Variants in ANO10 observed in about 807,000 individuals in gnomAD.
The protein encoded by ANO10 is anoctamin-10.
ANO10 carries 77 observed loss-of-function variants against 74.7 expected under a neutral mutation model. The observed-to-expected ratio is 1.03, with a 90% CI of 0.86 to 1.25. The LOEUF (loss-of-function observed/expected upper bound fraction) is 1.25, where lower values mean the gene tolerates loss of function less well. Ranked by LOEUF, ANO10 falls within the 50% of genes most tolerant of loss-of-function variation. The probability of loss-of-function intolerance (pLI) is 0.00; values close to 1 mark genes in which losing one functional copy is unlikely to be tolerated. For synonymous variants in ANO10, 279 were observed against 284.9 expected (o/e 0.98, Z 0.21); for missense variants, 721 against 778.1 (o/e 0.93, Z 0.87).
At chr3:43,516,483 AGGACCTT>A (rs2077716633) in intron 11 of ANO10, among the ~76,000 whole-genome samples, 1 of 152,230 alleles carries the variant, frequency 6.6e-6, no homozygotes, top group Non-Finnish European at 1.5e-5. Context: ...GAGATTACAG[AGGACCTT>A]GAATCCCTTG....
At chr3:43,393,220 A>G (rs139454126) in intron 12 of ANO10, among the ~76,000 whole-genome samples, 164 of 152,298 alleles carry the variant, frequency 1.1e-3, no homozygotes, top group Admixed American at 2.4e-3. Flanking sequence ...ACAACACTAA[A>G]TTCAAGATCA....
intron 12 of ANO10, among the ~76,000 whole-genome samples, chr3:43,418,504 T>C (rs2092775304): frequency 6.6e-6 from 1 of 152,240 alleles, no homozygotes; most frequent in African/African-American, 2.4e-5. Flanking sequence ...TCTTTTTCCA[T>C]TTTATTATAC....
At chr3:43,538,137 T>C (rs188761110) in intron 11 of ANO10, among the ~76,000 whole-genome samples, 13 of 152,320 alleles carry the variant, frequency 8.5e-5, no homozygotes, top group African/African-American at 3.1e-4. Flanking sequence ...ATTTTTGATA[T>C]AAAATTTCAG....
chr3:43,498,520 G>A (rs1011694083), intron 11 of ANO10, among the ~76,000 whole-genome samples: 2 of 152,148 alleles, frequency 1.3e-5, no homozygotes, highest in East Asian at 3.9e-4. Context: ...CTGATGGGAT[G>A]GCATATGGAG....
intron 11 of ANO10, among the ~76,000 whole-genome samples, chr3:43,438,907 A>G (rs754756962): frequency 1.3e-5 from 2 of 152,212 alleles, no homozygotes; most frequent in Non-Finnish European, 2.9e-5. Flanking sequence ...AACAGCATCA[A>G]TTGGACCAAT....
chr3:43,527,698 CCA>C lies in ANO10; in HGVS notation c.1797+22020_1797+22021del, dbSNP rs531627876. ...AATCCAGCAAGACTAGCTCCAAAGCCCACACCTAAGTGGCAAGTCAAGTCAGA... is the reference window on the plus strand; with the variant it reads ...AATCCAGCAAGACTAGCTCCAAAGCCCACCTAAGTGGCAAGTCAAGTCAGA... On this transcript the variant is annotated intron_variant, in intron 11 of 12. Coordinates refer to ENST00000292246, the MANE Select transcript of ANO10 (RefSeq NM_018075.5). Among the ~76,000 whole-genome samples, 546 of 152,150 alleles carry C rather than the reference CCA, an allele frequency of 3.6e-3. 1 individual carries two copies. The highest frequency in any genetic ancestry group is 5.7e-3 in the Non-Finnish European group (390 of 67,996).
At chr3:43,674,271 C>A (rs2084094900) in intron 1 of ANO10, among the ~76,000 whole-genome samples, 1 of 152,170 alleles carries the variant, frequency 6.6e-6, no homozygotes, top group African/African-American at 2.4e-5. Flanking sequence ...TCCAGAGTAG[C>A]TGGGACTATA....
chr3:43,606,660 G>C (rs894890549), intron 1 of ANO10, among the ~76,000 whole-genome samples: 3 of 149,920 alleles, frequency 2.0e-5, no homozygotes, highest in African/African-American at 7.3e-5. Flanking sequence ...AAAAAAAAAA[G>C]ACAGAAAAAG....
chr3:43,671,176 C>T lies in ANO10; in HGVS notation c.-12+20341G>A, dbSNP rs376495331. On this transcript the variant is annotated intron_variant, in intron 1 of 3. Transcript: ENST00000413397. ...AATTCCTTGCAGGTGTTATTTAAAC[C>T]TGGACTACAACTTGGTCAACAAAAA... Among the ~76,000 whole-genome samples the T allele has an allele frequency of 9.3e-4, 142 of 152,162 alleles. 1 individual carries two copies. The highest frequency in any genetic ancestry group is 3.1e-3 in the African/African-American group (130 of 41,514).
chr3:43,381,758 G>A (rs1292023012), intron 12 of ANO10, among the ~76,000 whole-genome samples: 1 of 152,150 alleles, frequency 6.6e-6, no homozygotes, highest in Non-Finnish European at 1.5e-5. Flanking sequence ...CACAACTGCA[G>A]AATATACATT....
chr3:43,400,526 A>G (rs2092461728), intron 12 of ANO10, among the ~76,000 whole-genome samples: 1 of 152,102 alleles, frequency 6.6e-6, no homozygotes, highest in South Asian at 2.1e-4. Flanking sequence ...TATATTCCCA[A>G]CACTTTGGGA....
chr3:43,566,878 T>C (rs1004581343), intron 7 of ANO10, among the ~76,000 whole-genome samples: 16 of 152,026 alleles, frequency 1.1e-4, no homozygotes, highest in African/African-American at 3.9e-4. Flanking sequence ...GACGATCAAA[T>C]TACTCTGAGC....
chr3:43,465,467 G>T (rs886892622), intron 11 of ANO10, among the ~76,000 whole-genome samples: 1 of 152,042 alleles, frequency 6.6e-6, no homozygotes, highest in African/African-American at 2.4e-5. Flanking sequence ...GTAAAAATGT[G>T]GTATTGTGAA....
chr3:43,453,815 G>A (rs963590233), intron 11 of ANO10, among the ~76,000 whole-genome samples: 1 of 151,984 alleles, frequency 6.6e-6, no homozygotes, highest in African/African-American at 2.4e-5. Context: ...CTATAAGTCT[G>A]TCCTTATGCC....
At chr3:43,447,755 T>C (rs1283585780) in intron 11 of ANO10, among the ~76,000 whole-genome samples, 1 of 152,120 alleles carries the variant, frequency 6.6e-6, no homozygotes, top group African/African-American at 2.4e-5. Context: ...AAGTAGAGAG[T>C]TGCTGTATAC....
chr3:43,681,207 A>ACGG (rs1314203940), intron 1 of ANO10, among the ~76,000 whole-genome samples: 1 of 152,088 alleles, frequency 6.6e-6, no homozygotes, highest in African/African-American at 2.4e-5. Context: ...AGACACACAT[A>ACGG]GGCTCAAAAT....
intron 4 of ANO10, among the ~76,000 whole-genome samples, chr3:43,592,772 A>AAGGCTTC (rs2149453819): frequency 6.6e-6 from 1 of 152,350 alleles, no homozygotes; most frequent in South Asian, 2.1e-4. Context: ...TTGAGAGAAG[A>AAGGCTTC]AGGCTTCAGA....
intron 10 of ANO10, among the ~76,000 whole-genome samples, chr3:43,554,351 G>A (rs75158468): frequency 0.024 from 3,584 of 151,826 alleles, 140 homozygotes; most frequent in African/African-American, 0.081. Flanking sequence ...CCAGCAGCAT[G>A]CTGGCTAATT....
At position 43,542,145 on chromosome 3, in the gene ANO10, G is replaced by A. The variant is rs1050506919; in HGVS notation, c.1797+7575C>T. Among the ~76,000 whole-genome samples, 9 of 152,270 alleles carry A rather than the reference G, an allele frequency of 5.9e-5. No homozygotes were observed. In the East Asian group the frequency reaches 7.7e-4, roughly 13 times the overall value. ...TCCTGAACTGTATGCTTTAAATAAGGGAATTGTATGGTGTGTGAGTTATGC... is the reference window on the plus strand; with the variant it reads ...TCCTGAACTGTATGCTTTAAATAAGAGAATTGTATGGTGTGTGAGTTATGC... On this transcript the variant is annotated intron_variant, in intron 11 of 12. Transcript: ENST00000292246.
Sources: gnomAD v4.1 joint callset for allele counts (sites outside exome capture counted in the v4.1 genomes callset) on GRCh38, gnomAD v4.1.1 for gene constraint, MANE v1.5 for transcripts, NCBI Gene and HGNC (gene_info 2026-07-23, HGNC 2026-07-21) for gene names.